Variants in KCNQ3 observed in about 807,000 individuals in gnomAD.
KCNQ3 encodes the protein potassium voltage-gated channel subfamily KQT member 3.
Under a neutral mutation model 92.5 loss-of-function variants are expected in KCNQ3, and 30 were observed. The ratio of observed to expected loss-of-function variants is 0.32; its 90% CI spans 0.24 to 0.44. The LOEUF is 0.44. KCNQ3 is among the 20% of genes least tolerant of loss of function. KCNQ3 has a pLI of 1.00. For missense variants in KCNQ3, 913 were observed against 1,140.3 expected, an observed-to-expected ratio of 0.80 and a Z score of 2.87; for synonymous variants, 450 against 468.8, an observed-to-expected ratio of 0.96 and a Z score of 0.52.
At chr8:132,249,149 G>T (rs1815300012) in intron 1 of KCNQ3, among the ~76,000 whole-genome samples, 1 of 152,166 alleles carries the variant, frequency 6.6e-6, no homozygotes, top group African/African-American at 2.4e-5. Context: ...CAAAGAGTGA[G>T]CAGCAACAAG....
chr8:132,353,407 C>A (rs762870568), intron 1 of KCNQ3, among the ~76,000 whole-genome samples: 1 of 152,118 alleles, frequency 6.6e-6, no homozygotes, highest in Non-Finnish European at 1.5e-5. Context: ...CCATTGGGCA[C>A]ATGGAAACGG....
At chr8:132,293,251 G>T (rs1816911771) in intron 1 of KCNQ3, among the ~76,000 whole-genome samples, 1 of 152,190 alleles carries the variant, frequency 6.6e-6, no homozygotes, top group Admixed American at 6.5e-5. Context: ...CAAAGAGGGG[G>T]TCATGGGAAC....
chr8:132,397,591 A>C (rs147291202), intron 1 of KCNQ3, among the ~76,000 whole-genome samples: 83 of 152,332 alleles, frequency 5.4e-4, no homozygotes, highest in African/African-American at 1.9e-3. Flanking sequence ...GAAGTAGGAT[A>C]TGTTTTACAG....
chr8:132,270,981 T>C (rs539958817), intron 1 of KCNQ3, among the ~76,000 whole-genome samples: 1 of 152,342 alleles, frequency 6.6e-6, no homozygotes, highest in South Asian at 2.1e-4. Flanking sequence ...CAGCAATTCA[T>C]GAGCCTCTTA....
chr8:132,389,906 C>A (rs930989411), intron 1 of KCNQ3, among the ~76,000 whole-genome samples: 1 of 152,190 alleles, frequency 6.6e-6, no homozygotes, highest in African/African-American at 2.4e-5. Flanking sequence ...CTTTAACCAG[C>A]AGTTGTGTAC....
chr8:132,369,283 C>T (rs1819406564), intron 1 of KCNQ3, among the ~76,000 whole-genome samples: 1 of 152,126 alleles, frequency 6.6e-6, no homozygotes, highest in Non-Finnish European at 1.5e-5. Context: ...TCTTTACATA[C>T]TGTACTAATT....
intron 1 of KCNQ3, among the ~76,000 whole-genome samples, chr8:132,390,817 T>A (rs1440526814): frequency 6.6e-6 from 1 of 152,232 alleles, no homozygotes; most frequent in African/African-American, 2.4e-5. Flanking sequence ...TAGACTGGTA[T>A]CTTTATAATA....
At chr8:132,395,837 G>T (rs538102640) in intron 1 of KCNQ3, among the ~76,000 whole-genome samples, 157 of 152,280 alleles carry the variant, frequency 1.0e-3, no homozygotes, top group Non-Finnish European at 1.7e-3. Flanking sequence ...GGGGAATGTC[G>T]CATCTCAGCA....
intron 1 of KCNQ3, among the ~76,000 whole-genome samples, chr8:132,424,103 T>G (rs2130814846): frequency 6.6e-6 from 1 of 152,180 alleles, no homozygotes; most frequent in East Asian, 1.9e-4. Context: ...AATGAACTGG[T>G]TCCGAATGGC....
intron 1 of KCNQ3, among the ~76,000 whole-genome samples, chr8:132,320,570 T>A (rs1817867736): frequency 6.6e-6 from 1 of 152,166 alleles, no homozygotes; most frequent in Non-Finnish European, 1.5e-5. Context: ...CAGGTAATTC[T>A]TCCTGTCCCT....
At chr8:132,310,947 C>CT (rs1159827165) in intron 1 of KCNQ3, among the ~76,000 whole-genome samples, 162 of 140,564 alleles carry the variant, frequency 1.2e-3, no homozygotes, top group Middle Eastern at 3.7e-3. Context: ...TTTTTTTTTT[C>CT]TTTTTTTTTT....
At chr8:132,446,402 G>A (rs1312034775) in intron 1 of KCNQ3, among the ~76,000 whole-genome samples, 2 of 152,184 alleles carry the variant, frequency 1.3e-5, no homozygotes. Flanking sequence ...CTGAAAACAT[G>A]AGCTTGGGAG....
At chr8:132,402,878 G>T (rs150784688) in intron 1 of KCNQ3, among the ~76,000 whole-genome samples, 1 of 151,660 alleles carries the variant, frequency 6.6e-6, no homozygotes, top group East Asian at 1.9e-4. Context: ...TAGCCGGGGC[G>T]TGGCAGTGCA....
At chr8:132,145,639 T>C (rs1353150420) in intron 9 of KCNQ3, among the ~76,000 whole-genome samples, 6 of 152,234 alleles carry the variant, frequency 3.9e-5, no homozygotes, top group Non-Finnish European at 8.8e-5. Flanking sequence ...TCGAGAAGAC[T>C]TCTGTCTCTA....
intron 9 of KCNQ3, among the ~76,000 whole-genome samples, chr8:132,163,014 G>A (rs1421464181): frequency 1.3e-5 from 2 of 152,108 alleles, no homozygotes; most frequent in East Asian, 1.9e-4. Context: ...TTACAGTCTC[G>A]AGTCAACTTA....
rs1259591882 is a variant in KCNQ3 at position 132,122,902 on chromosome 8, T to A, written c.*6360A>T. 1.3e-5 allele frequency: 2 copies of A among 152,192 alleles called. No homozygotes were observed. The highest frequency in any genetic ancestry group is 2.9e-5 in the Non-Finnish European group (2 of 68,034). 9.4% of individuals were successfully genotyped at this position (152,192 alleles called of 1,614,324 possible). A position where few individuals can be genotyped will look rare whatever the true frequency, so the allele number is the denominator to read the frequency against. ...ATCTCTTAGTTACATAACCATAAGA[T>A]GTCCTAAGTTGAGTCCTGTCTGCTT... On this transcript the variant is annotated 3_prime_UTR_variant, in exon 15 of 15. Coordinates refer to ENST00000388996, the MANE Select transcript of KCNQ3 (RefSeq NM_004519.4).
intron 14 of KCNQ3, among the ~76,000 whole-genome samples, chr8:132,130,925 T>C (rs1031106875): frequency 1.3e-5 from 2 of 152,210 alleles, no homozygotes; most frequent in African/African-American, 2.4e-5. Flanking sequence ...TGTCGTCAGG[T>C]GTATCACCCT....
chr8:132,429,861 CAAAAAAAAAAAA>C (rs374921143), intron 1 of KCNQ3, among the ~76,000 whole-genome samples: 1 of 64,102 alleles, frequency 1.6e-5, no homozygotes, highest in African/African-American at 5.8e-5. Context: ...AACTCCTTCT[CAAAAAAAAAAAA>C]AAAAAAAAAA....
intron 9 of KCNQ3, among the ~76,000 whole-genome samples, chr8:132,142,959 G>A (rs138403795): frequency 6.6e-6 from 1 of 152,296 alleles, no homozygotes; most frequent in African/African-American, 2.4e-5. Flanking sequence ...TAGAGGGTTA[G>A]GGAGTGTTAC....
Sources: gnomAD v4.1 joint callset for allele counts (sites outside exome capture counted in the v4.1 genomes callset) on GRCh38, gnomAD v4.1.1 for gene constraint, MANE v1.5 for transcripts, NCBI Gene and HGNC (gene_info 2026-07-23, HGNC 2026-07-21) for gene names.